COL21A1: variants seen among roughly 807,000 people sequenced by gnomAD.
The protein encoded by COL21A1 is collagen type XXI alpha 1 chain, also known as collagen alpha-1(XXI) chain.
COL21A1 carries 149 observed loss-of-function variants against 137.9 expected under a neutral mutation model. That is an observed-to-expected ratio of 1.08 (90% CI 0.95 to 1.24). The LOEUF (loss-of-function observed/expected upper bound fraction) is 1.24, where lower values mean the gene tolerates loss of function less well. COL21A1 is among the 50% of genes most tolerant of loss of function. The pLI, the probability that COL21A1 is intolerant of heterozygous loss-of-function variation, is 0.00. For missense variants in COL21A1, 1,167 were observed against 1,158.4 expected (o/e 1.01, Z -0.11); for synonymous variants, 456 against 391.5 (o/e 1.16, Z -1.95).
intron 2 of COL21A1, 130 bp from the exon 3 acceptor site, chr6:56,180,259 T>A: frequency 1.3e-6 from 1 of 764,734 alleles, no homozygotes; most frequent in Non-Finnish European, 2.0e-6. Context: ...GAAATATGTT[T>A]AGCTTAATGC....
At chr6:56,172,625 C>A (rs1777153947) in intron 3 of COL21A1, among the ~76,000 whole-genome samples, 1 of 152,024 alleles carries the variant, frequency 6.6e-6, no homozygotes, top group Non-Finnish European at 1.5e-5. Flanking sequence ...TATAGACAGA[C>A]ACACAATATT....
intron 16 of COL21A1, among the ~76,000 whole-genome samples, chr6:56,111,934 T>G (rs1019252528): frequency 6.6e-6 from 1 of 151,808 alleles, no homozygotes; most frequent in Non-Finnish European, 1.5e-5. Context: ...GGTAAAAATT[T>G]TAAAACTGAT....
rs187874260 is a variant in COL21A1 at position 56,348,713 on chromosome 6, C to T, written c.-39+45258G>A. On this transcript the variant is annotated intron_variant, in intron 1 of 28. Transcript: ENST00000370819. ...AGGGGAAGCAAATTTTTCTGCTTTT[C>T]TGTTCAAGCTGGGGCCAGCCTCTCT... is the stretch of plus-strand genomic sequence containing the variant. Among the ~76,000 whole-genome samples, 4 of 152,290 alleles carry T rather than the reference C, an allele frequency of 2.6e-5. No individual in the cohort carries two copies. In the East Asian group the frequency reaches 7.7e-4, roughly 29 times the overall value.
At chr6:56,119,487 G>C (rs1457927407) in intron 16 of COL21A1, among the ~76,000 whole-genome samples, 1 of 152,008 alleles carries the variant, frequency 6.6e-6, no homozygotes, top group African/African-American at 2.4e-5. Flanking sequence ...TAATACCAAA[G>C]GAATTTACAG....
chr6:56,312,564 T>C (rs895074062), intron 1 of COL21A1, among the ~76,000 whole-genome samples: 1 of 152,078 alleles, frequency 6.6e-6, no homozygotes, highest in African/African-American at 2.4e-5. Flanking sequence ...CAGATAAAAA[T>C]ATCCAGCAGG....
At chr6:56,302,186 C>T (rs1463271988) in intron 1 of COL21A1, among the ~76,000 whole-genome samples, 25 of 152,020 alleles carry the variant, frequency 1.6e-4, no homozygotes, top group Non-Finnish European at 3.2e-4. Flanking sequence ...CCACAATAAA[C>T]ATATGTCTGC....
At chr6:56,150,575 G>A (rs1050014451) in intron 10 of COL21A1, among the ~76,000 whole-genome samples, 9 of 142,242 alleles carry the variant, frequency 6.3e-5, no homozygotes, top group South Asian at 2.2e-4. Context: ...CAAGAGTGGG[G>A]GGAACTGAAT....
intron 1 of COL21A1, among the ~76,000 whole-genome samples, chr6:56,196,261 A>G (rs1201594424): frequency 6.6e-6 from 1 of 152,138 alleles, no homozygotes; most frequent in East Asian, 1.9e-4. Context: ...CACAGCTAAC[A>G]TTATACTAAT....
intron 1 of COL21A1, among the ~76,000 whole-genome samples, chr6:56,265,039 C>T (rs1196378463): frequency 1.3e-5 from 2 of 152,228 alleles, no homozygotes; most frequent in Non-Finnish European, 2.9e-5. Context: ...TCTCATTTCA[C>T]AGTAGATGCC....
At chr6:56,321,516 T>G (rs1764867126) in intron 1 of COL21A1, among the ~76,000 whole-genome samples, 1 of 152,206 alleles carries the variant, frequency 6.6e-6, no homozygotes, top group South Asian at 2.1e-4. Flanking sequence ...ATTTCTTACT[T>G]GCTGTTTATG....
At chr6:56,392,659 T>G (rs1346856483) in intron 1 of COL21A1, among the ~76,000 whole-genome samples, 1 of 152,074 alleles carries the variant, frequency 6.6e-6, no homozygotes, top group African/African-American at 2.4e-5. Flanking sequence ...ATTTGCAGGA[T>G]ACAAAATAAA....
rs1764233426 is a variant in COL21A1 at position 56,299,484 on chromosome 6, ACAATAAGGTAATTCTC to A, written c.-39+94471_-39+94486del. The stretch of plus-strand genomic sequence containing the variant: ...CTATTTGATAACATTATGTAATTTT[ACAATAAGGTAATTCTC>A]CAGCCCAACCACCTTAATAATGTGC... On this transcript the variant is annotated intron_variant, in intron 1 of 28. Coordinates refer to the COL21A1 transcript ENST00000370819. Among the ~76,000 whole-genome samples, 3 of 152,244 alleles carry A rather than the reference ACAATAAGGTAATTCTC, an allele frequency of 2.0e-5. No individual in the cohort carries two copies. In the South Asian group the frequency reaches 6.2e-4, roughly 32 times the overall value.
At chr6:56,108,537 A>T (rs1771148256) in intron 16 of COL21A1, among the ~76,000 whole-genome samples, 1 of 152,090 alleles carries the variant, frequency 6.6e-6, no homozygotes, top group African/African-American at 2.4e-5. Flanking sequence ...CTAAAGCCAC[A>T]ATTCAAAATG....
intron 12 of COL21A1, among the ~76,000 whole-genome samples, chr6:56,133,514 A>C (rs1308371440): frequency 6.6e-6 from 1 of 152,184 alleles, no homozygotes; most frequent in Non-Finnish European, 1.5e-5. Flanking sequence ...AGAAAATCCC[A>C]TTTTCTGCGG....
chr6:56,123,008 T>C (rs62412808), intron 16 of COL21A1, among the ~76,000 whole-genome samples: 22,856 of 152,160 alleles, frequency 0.15, 1,744 homozygotes, highest in Middle Eastern at 0.22. Flanking sequence ...TTTCTTGGGG[T>C]ATATGGATTT....
chr6:56,141,771 T>G lies in COL21A1; in HGVS notation c.1542+14A>C, dbSNP rs1582466411. On this transcript the variant is annotated intron_variant, in intron 12 of 29. Transcript: ENST00000244728. Reference sequence around the variant, plus strand: ...GGGACTAACACCATTGATTGCATTTTTGTGTGTGTTTACCTTGTCACCATC... The same window carrying G: ...GGGACTAACACCATTGATTGCATTTGTGTGTGTGTTTACCTTGTCACCATC... The G allele has an allele frequency of 4.3e-6, 7 of 1,613,338 alleles. No homozygotes were observed. In the East Asian group the frequency reaches 1.6e-4, roughly 36 times the overall value.
In COL21A1 at chr6:56,180,560, T is replaced by C. The variant is rs564841301; in HGVS notation, c.89-431A>G. Among the ~76,000 whole-genome samples the C allele has an allele frequency of 4.6e-5, 7 of 152,314 alleles. No individual in the cohort carries two copies. In the East Asian group the frequency reaches 9.6e-4, roughly 21 times the overall value. The stretch of plus-strand genomic sequence containing the variant: ...AAAGCTATTCCTTGCTTAGTAGAGA[T>C]AGAGATTCTTGTTTCAAGATACCAG... On this transcript the variant is annotated intron_variant, in intron 2 of 29. Transcript: ENST00000244728.
At chr6:56,325,045 C>A (rs1242397157) in intron 1 of COL21A1, among the ~76,000 whole-genome samples, 1 of 150,456 alleles carries the variant, frequency 6.6e-6, no homozygotes, top group Admixed American at 6.8e-5. Context: ...TTTGCGCTAT[C>A]CTGTTTCTCC....
At chr6:56,158,266 C>CTTTTTTTTTTTTTTTTTTTTTTTT (rs67453245) in intron 9 of COL21A1, among the ~76,000 whole-genome samples, 4 of 62,402 alleles carry the variant, frequency 6.4e-5, no homozygotes, top group Non-Finnish European at 1.1e-4. Flanking sequence ...TTTTTTTTTT[C>CTTTTTTTTTTTTTTTTTTTTTTTT]TTTTTTTTTT....
Sources: allele counts gnomAD v4.1 joint callset (sites outside exome capture counted in the v4.1 genomes callset), GRCh38; gene constraint gnomAD v4.1.1; transcripts MANE v1.5; gene names NCBI Gene and HGNC (gene_info 2026-07-23, HGNC 2026-07-21).